GSK3B: variants seen among roughly 807,000 people sequenced by gnomAD.
The protein encoded by GSK3B is glycogen synthase kinase-3 beta.
In GSK3B, 15 loss-of-function variants were observed where a neutral mutation model predicts 56.4. The observed-to-expected ratio is 0.27, with a 90% confidence interval of 0.18 to 0.41. The LOEUF (loss-of-function observed/expected upper bound fraction) is 0.41. Ranked by LOEUF, GSK3B falls within the 10% of genes least tolerant of loss-of-function variation. The pLI, the probability that GSK3B is intolerant of heterozygous loss-of-function variation, is 1.00. For missense variants in GSK3B, 300 were observed against 513.4 expected, an observed-to-expected ratio of 0.58 and a Z score of 4.02; for synonymous variants, 181 against 188.9, an observed-to-expected ratio of 0.96 and a Z score of 0.34.
At chr3:119,845,438 C>T (rs1405630661) in intron 9 of GSK3B, among the ~76,000 whole-genome samples, 1 of 152,202 alleles carries the variant, frequency 6.6e-6, no homozygotes, top group Non-Finnish European at 1.5e-5. Flanking sequence ...CCCAAAATCT[C>T]CTTAAGCTGA....
chr3:119,968,049 G>T (rs2057335846), intron 2 of GSK3B, among the ~76,000 whole-genome samples: 1 of 152,044 alleles, frequency 6.6e-6, no homozygotes, highest in African/African-American at 2.4e-5. Context: ...TAGGGACGGG[G>T]TTTCACCGTG....
chr3:119,964,610 T>C lies in GSK3B; in HGVS notation c.283-17259A>G, dbSNP rs146681397. Among the ~76,000 whole-genome samples the C allele has an allele frequency of 9.9e-5, 15 of 152,190 alleles. No homozygotes were observed. The East Asian group carries it at 2.9e-3, about 29-fold the overall frequency. On this transcript the variant is annotated intron_variant, in intron 2 of 10. Transcript: ENST00000264235. ...GTTACTAGGAGACAGGGGAGGAAGA[T>C]ATGGAGAGTTGTTGTTCAACGGTAT...
At chr3:120,052,725 C>T (rs544366162) in intron 1 of GSK3B, among the ~76,000 whole-genome samples, 1 of 152,324 alleles carries the variant, frequency 6.6e-6, no homozygotes. Flanking sequence ...ATAGTAACAT[C>T]TTTCTAATCA....
At chr3:120,093,086 G>A (rs1395339653) in intron 1 of GSK3B, among the ~76,000 whole-genome samples, 1 of 152,148 alleles carries the variant, frequency 6.6e-6, no homozygotes, top group African/African-American at 2.4e-5. Context: ...ACTACCAACA[G>A]CAAGAAAAGT....
chr3:119,995,966 G>A (rs2057613278), intron 2 of GSK3B, among the ~76,000 whole-genome samples: 1 of 151,356 alleles, frequency 6.6e-6, no homozygotes, highest in Non-Finnish European at 1.5e-5. Flanking sequence ...TCAAACTCCT[G>A]ACCTCAAGTG....
intron 1 of GSK3B, 37 bp from the exon 2 acceptor site, chr3:120,002,276 TG>T (rs1350503799): frequency 1.6e-6 from 2 of 1,289,098 alleles, no homozygotes; most frequent in Non-Finnish European, 2.1e-6. Context: ...TCACGAGAAC[TG>T]TAAGGAATTA....
chr3:119,885,248 C>CAAATAAAAAAAAATA (rs2056422684), intron 7 of GSK3B, among the ~76,000 whole-genome samples: 1 of 143,810 alleles, frequency 7.0e-6, no homozygotes. Context: ...ACAATAGCCA[C>CAAATAAAAAAAAATA]AAATAAAATA....
At chr3:119,850,693 T>C (rs1024742067) in intron 9 of GSK3B, among the ~76,000 whole-genome samples, 7 of 152,022 alleles carry the variant, frequency 4.6e-5, no homozygotes, top group East Asian at 1.9e-4. Context: ...AGTGAAAGAA[T>C]AGAAAAAATG....
chr3:119,991,631 A>C (rs2057566345), intron 2 of GSK3B, among the ~76,000 whole-genome samples: 1 of 152,084 alleles, frequency 6.6e-6, no homozygotes, highest in South Asian at 2.1e-4. Flanking sequence ...TAATAATTTA[A>C]GGCAATCCCA....
intron 1 of GSK3B, among the ~76,000 whole-genome samples, chr3:120,069,128 C>T (rs2058305577): frequency 6.6e-6 from 1 of 152,156 alleles, no homozygotes; most frequent in Non-Finnish European, 1.5e-5. Flanking sequence ...GAGGGGCTGT[C>T]TGCTGCTCCT....
chr3:120,011,270 T>G (rs1173401190), intron 1 of GSK3B, among the ~76,000 whole-genome samples: 1 of 152,180 alleles, frequency 6.6e-6, no homozygotes, highest in Non-Finnish European at 1.5e-5. Context: ...TGTGATGACG[T>G]TCCCTATTTG....
At chr3:119,921,434 C>T (rs2056838568) in intron 4 of GSK3B, among the ~76,000 whole-genome samples, 1 of 152,122 alleles carries the variant, frequency 6.6e-6, no homozygotes, top group Non-Finnish European at 1.5e-5. Context: ...TTATGTTCTT[C>T]CTTCAGAAAG....
At chr3:119,879,398 G>A (rs1459299583) in intron 7 of GSK3B, among the ~76,000 whole-genome samples, 2 of 152,040 alleles carry the variant, frequency 1.3e-5, no homozygotes, top group African/African-American at 4.8e-5. Flanking sequence ...AGCCAGGATG[G>A]TCTTGATCTC....
At chr3:119,930,194 C>T (rs527463883) in intron 3 of GSK3B, among the ~76,000 whole-genome samples, 2 of 151,584 alleles carry the variant, frequency 1.3e-5, no homozygotes, top group Admixed American at 6.6e-5. Flanking sequence ...AAGATGAATG[C>T]CAAGTTCAAC....
At chr3:119,901,710 T>C (rs1259157709) in intron 7 of GSK3B, among the ~76,000 whole-genome samples, 1 of 152,158 alleles carries the variant, frequency 6.6e-6, no homozygotes, top group Non-Finnish European at 1.5e-5. Context: ...AACAAGTTAA[T>C]TCAATACAAA....
chr3:119,981,112 T>C (rs2107451104), intron 2 of GSK3B, among the ~76,000 whole-genome samples: 1 of 152,354 alleles, frequency 6.6e-6, no homozygotes, highest in African/African-American at 2.4e-5. Context: ...AGTTAAATGC[T>C]AGAACATTTA....
intron 2 of GSK3B, among the ~76,000 whole-genome samples, chr3:119,985,782 G>A (rs2057510307): frequency 6.6e-6 from 1 of 152,172 alleles, no homozygotes; most frequent in African/African-American, 2.4e-5. Flanking sequence ...TAGATTCAAT[G>A]TCATCCCCAT....
chr3:119,991,130 C>A (rs2057560621), intron 2 of GSK3B, among the ~76,000 whole-genome samples: 1 of 152,104 alleles, frequency 6.6e-6, no homozygotes, highest in East Asian at 1.9e-4. Flanking sequence ...AAACATGCAA[C>A]TTACTGATTT....
chr3:119,863,170 C>G (rs1577323176), intron 9 of GSK3B, among the ~76,000 whole-genome samples: 1 of 152,324 alleles, frequency 6.6e-6, no homozygotes, highest in Admixed American at 6.5e-5. Context: ...TGTAACTTCT[C>G]ATGTGCCAAC....
Sources: gnomAD v4.1 joint callset for allele counts (sites outside exome capture counted in the v4.1 genomes callset) on GRCh38, gnomAD v4.1.1 for gene constraint, MANE v1.5 for transcripts, NCBI Gene and HGNC (gene_info 2026-07-23, HGNC 2026-07-21) for gene names.